The following SEMA4F variants were observed in gnomAD, a reference collection of about 807,000 sequenced individuals.
SEMA4F encodes semaphorin-4F.
SEMA4F carries 51 observed loss-of-function variants against 78.4 expected under a neutral mutation model. That is an observed-to-expected ratio of 0.65 (90% confidence interval 0.52 to 0.82). The LOEUF (loss-of-function observed/expected upper bound fraction) is 0.82, where lower values mean the gene tolerates loss of function less well. SEMA4F is among the 40% of genes least tolerant of loss of function. The probability of loss-of-function intolerance (pLI) is 0.00; values close to 1 mark genes in which losing one functional copy is unlikely to be tolerated. For missense variants in SEMA4F, 938 were observed against 1,014.4 expected (o/e 0.92, Z 1.02); for synonymous variants, 418 against 408.7 (o/e 1.02, Z -0.27).
chr2:74,688,487 A>G (rs1685862498), downstream of SEMA4F, among the ~76,000 whole-genome samples: 1 of 152,272 alleles, frequency 6.6e-6, no homozygotes, highest in South Asian at 2.1e-4. Context: ...ACAGGCTAAC[A>G]TTACAAGGGA....
At chr2:74,687,998 T>C (rs1685854801), downstream of SEMA4F, among the ~76,000 whole-genome samples, 1 of 152,178 alleles carries the variant, frequency 6.6e-6, no homozygotes, top group Non-Finnish European at 1.5e-5. Flanking sequence ...AATATAATCA[T>C]CTACTAGATA....
rs1685658861 is a variant in SEMA4F, at chr2:74,682,293, G to A, written c.*2084G>A. 1.3e-5 allele frequency: 2 copies of A among 152,060 alleles called. No individual in the cohort carries two copies. The highest frequency in any genetic ancestry group is 1.3e-4 in the Admixed American group (2 of 15,246). The allele number at this position is 152,060 out of a possible 1,614,324, so 9.4% of individuals were successfully genotyped here. A position where few individuals can be genotyped will look rare whatever the true frequency, so the allele number is the denominator to read the frequency against. On this transcript the variant is annotated 3_prime_UTR_variant, in exon 14 of 14. Coordinates refer to ENST00000357877, the MANE Select transcript of SEMA4F (RefSeq NM_004263.5). ...TAGCCGGGCGTGGTGGCGGGGGCCT[G>A]TAGTCCCAGCTACTCGGGAGGCTGA... is the stretch of plus-strand genomic sequence containing the variant.
chr2:74,656,520 T>C lies in SEMA4F; in HGVS notation c.146-14T>C, dbSNP rs141587219. On this transcript the variant is annotated splice_polypyrimidine_tract_variant and intron_variant, in intron 1 of 13. Coordinates refer to ENST00000357877, the MANE Select transcript of SEMA4F (RefSeq NM_004263.5). ...GAAGCGATGGCTAACATCACTCTCCTCTCTTCCTGCCAGAGGCTGACTCCT... is the reference window on the plus strand; with the variant it reads ...GAAGCGATGGCTAACATCACTCTCCCCTCTTCCTGCCAGAGGCTGACTCCT... 7 of 1,611,552 alleles carry C rather than the reference T, an allele frequency of 4.3e-6. No homozygotes were observed. The African/African-American group carries it at 5.3e-5, about 12-fold the overall frequency.
At position 74,682,821 on chromosome 2, in the gene SEMA4F, C is replaced by T. The variant is rs1476042066; in HGVS notation, c.*2612C>T. 1.3e-5 allele frequency: 2 copies of T among 152,226 alleles called. No individual in the cohort carries two copies. The highest frequency in any genetic ancestry group is 2.9e-5 in the Non-Finnish European group (2 of 68,086). The allele number at this position is 152,226 out of a possible 1,614,324, so 9.4% of individuals were successfully genotyped here. Reference sequence around the variant, plus strand: ...ACCAGGGCTCTTATACTCTGGGCCACTATCTGCCTGCTCTAATCACCTAGG... The same window carrying T: ...ACCAGGGCTCTTATACTCTGGGCCATTATCTGCCTGCTCTAATCACCTAGG... On this transcript the variant is annotated 3_prime_UTR_variant, in exon 14 of 14. Coordinates refer to ENST00000357877, the MANE Select transcript of SEMA4F (RefSeq NM_004263.5).
At chr2:74,676,754 C>CT (rs1685309467) in intron 12 of SEMA4F, among the ~76,000 whole-genome samples, 1 of 152,138 alleles carries the variant, frequency 6.6e-6, no homozygotes, top group Non-Finnish European at 1.5e-5. Context: ...CCTAATTGGT[C>CT]TTTTTTTGAC....
At chr2:74,666,766 T>G (rs1383278013) in intron 5 of SEMA4F, among the ~76,000 whole-genome samples, 1 of 152,130 alleles carries the variant, frequency 6.6e-6, no homozygotes, top group African/African-American at 2.4e-5. Context: ...AATTCCCAAT[T>G]AGGTTCTGTA....
In SEMA4F at chr2:74,654,305, G is replaced by T; in HGVS notation, c.-72G>T. ...GAGCCGAGAGGACCCGAGTGGGGCCGAGGCCAGTAGCCCCGGGGCCCTGAG... is the reference window on the plus strand; with the variant it reads ...GAGCCGAGAGGACCCGAGTGGGGCCTAGGCCAGTAGCCCCGGGGCCCTGAG... On this transcript the variant is annotated 5_prime_UTR_variant, in exon 1 of 14. Transcript: ENST00000357877. The T allele has an allele frequency of 4.4e-6, 6 of 1,369,004 alleles. No homozygotes were observed. The East Asian group carries it at 1.2e-4, about 28-fold the overall frequency. 84.8% of individuals were successfully genotyped at this position (1,369,004 alleles called of 1,614,324 possible).
intron 4 of SEMA4F, among the ~76,000 whole-genome samples, chr2:74,662,224 T>C (rs138901893): frequency 1.3e-5 from 2 of 152,312 alleles, no homozygotes; most frequent in African/African-American, 4.8e-5. Flanking sequence ...GGGTGGGGAA[T>C]AGGAGGAGGA....
chr2:74,673,779 T>C lies in SEMA4F; in HGVS notation c.773T>C (p.Phe258Ser). Residue 258 changes from phenylalanine (F) to serine (S), a missense_variant, in exon 7 of 14, where the codon TTT (phenylalanine) becomes TCT (serine). Transcript: ENST00000357877. ...TTCTTTACGGAGACTTCCCGAGCAT[T>C]TGACTCATACGAGCGCATTAAAGTC... ...YFFFTETSRA[F>S]DSYERIKVPR... is the part of the protein sequence containing the mutation. The C allele has an allele frequency of 6.2e-7, 1 of 1,614,250 alleles. No homozygotes were observed. Among genetic ancestry groups the C allele is most frequent in the Non-Finnish European group, 8.5e-7 (1 of 1,180,048 alleles).
chr2:74,682,739 A>G lies in SEMA4F; in HGVS notation c.*2530A>G. On this transcript the variant is annotated 3_prime_UTR_variant, in exon 14 of 14. Transcript: ENST00000357877. ...AGGGAGGAAGGTGGGGAGATGTCAA[A>G]GGGGACTGGGCTTCCTGTGGGGAGT... 6.6e-6 allele frequency: 1 copy of G among 152,404 alleles called. No individual in the cohort carries two copies. The highest frequency in any genetic ancestry group is 1.5e-5 in the Non-Finnish European group (1 of 68,174). The allele number at this position is 152,404 out of a possible 1,614,324, so 9.4% of individuals were successfully genotyped here.
At chr2:74,673,651 G>T in intron 6 of SEMA4F, 26 bp from the exon 7 acceptor site, 1 of 1,613,030 alleles carries the variant, frequency 6.2e-7, no homozygotes, top group Non-Finnish European at 8.5e-7. Flanking sequence ...GTGTCTGTGA[G>T]GATCTGAGGC....
chr2:74,667,496 T>C (rs1684754524), intron 5 of SEMA4F, among the ~76,000 whole-genome samples: 2 of 152,212 alleles, frequency 1.3e-5, no homozygotes, highest in South Asian at 4.1e-4. Context: ...TCCAGTATGA[T>C]ATATATATTT....
Position 74,654,484 on chromosome 2 carries a change from C to T in SEMA4F, c.108C>T (p.Val36=), listed in dbSNP as rs779227068. The T allele has an allele frequency of 1.3e-6, 2 of 1,575,360 alleles. No homozygotes were observed. The highest frequency in any genetic ancestry group is 2.8e-5 in the African/African-American group (2 of 71,382). ...TGAGCGGCCCGGTATCCGGCCGCGT[C>T]CCCCGCTCGGTGCCCAGAACCTCGC... ...AVLSGPVSGR[V]PRSVPRTSLP... is the part of the protein sequence containing the mutation. The change falls in exon 1 of 14, where the codon GTC becomes GTT. Residue 36 remains valine (V), a synonymous_variant. Transcript: ENST00000357877.
At chr2:74,703,388 C>G in the SEMA4F span, among the ~76,000 whole-genome samples, 3 of 152,178 alleles carry the variant, frequency 2.0e-5, no homozygotes, top group Non-Finnish European at 2.9e-5. Context: ...GTCAGAGAAG[C>G]TGGGGAGCAG....
intron 1 of SEMA4F, 74 bp downstream of exon 1, chr2:74,654,595 G>C: frequency 7.6e-7 from 1 of 1,320,638 alleles, no homozygotes; most frequent in Non-Finnish European, 1.0e-6. Flanking sequence ...TCCTCAGACC[G>C]CTCGGCCGGA....
At chr2:74,670,161 T>C (rs2104973299) in intron 5 of SEMA4F, among the ~76,000 whole-genome samples, 1 of 152,326 alleles carries the variant, frequency 6.6e-6, no homozygotes, top group South Asian at 2.1e-4. Context: ...GTCAGTGTTA[T>C]TATATAAGCA....
chr2:74,676,060 A>G, intron 12 of SEMA4F, 151 bp downstream of exon 12: 1 of 793,622 alleles, frequency 1.3e-6, no homozygotes, highest in Non-Finnish European at 1.9e-6. Context: ...TCCTTCTGTC[A>G]GTCCATACTA....
chr2:74,697,861 C>G, the SEMA4F span, among the ~76,000 whole-genome samples: 3 of 152,102 alleles, frequency 2.0e-5, no homozygotes, highest in Non-Finnish European at 4.4e-5. Flanking sequence ...AGGATCCCAG[C>G]CCCCAGTCTT....
intron 1 of SEMA4F, among the ~76,000 whole-genome samples, chr2:74,655,899 TG>T (rs1684109170): frequency 6.6e-6 from 1 of 152,172 alleles, no homozygotes; most frequent in Admixed American, 6.5e-5. Flanking sequence ...AGAGCTGTAT[TG>T]GTGCAAGGGT....
Sources: gnomAD v4.1 joint callset for allele counts (sites outside exome capture counted in the v4.1 genomes callset) on GRCh38, gnomAD v4.1.1 for gene constraint, MANE v1.5 for transcripts, NCBI Gene and HGNC (gene_info 2026-07-23, HGNC 2026-07-21) for gene names.